ARHGEF17: variants seen among roughly 807,000 people sequenced by gnomAD.
ARHGEF17 encodes the protein 164 kDa Rho-specific guanine-nucleotide exchange factor.
ARHGEF17 carries 80 observed loss-of-function variants against 174.0 expected under a neutral mutation model. The observed-to-expected ratio is 0.46, with a 90% CI of 0.38 to 0.55. The LOEUF (loss-of-function observed/expected upper bound fraction) is 0.55, where lower values mean the gene tolerates loss of function less well. ARHGEF17 is among the 20% of genes least tolerant of loss of function. ARHGEF17 has a pLI of 0.00. For synonymous variants in ARHGEF17, 1,311 were observed against 1,189.1 expected (o/e 1.10, Z -2.11); for missense variants, 2,886 against 2,839.7 (o/e 1.02, Z -0.37).
At chr11:73,351,384 C>T (rs1321614459) in intron 2 of ARHGEF17, among the ~76,000 whole-genome samples, 1 of 152,138 alleles carries the variant, frequency 6.6e-6, no homozygotes, top group Non-Finnish European at 1.5e-5. Context: ...TCTCCACAAG[C>T]GCACCGGCCC....
At chr11:73,333,157 T>C (rs529452014) in intron 1 of ARHGEF17, among the ~76,000 whole-genome samples, 178 of 152,310 alleles carry the variant, frequency 1.2e-3, no homozygotes, top group Non-Finnish European at 2.3e-3. Context: ...GTTCCACTTA[T>C]TGCCAATAAT....
chr11:73,350,866 T>G (rs1432052839), intron 2 of ARHGEF17, among the ~76,000 whole-genome samples: 5 of 152,242 alleles, frequency 3.3e-5, no homozygotes, highest in Admixed American at 2.0e-4. Flanking sequence ...TTATCGTGCT[T>G]CTTTCCTGCC....
chr11:73,314,723 T>G (rs1299823591), intron 1 of ARHGEF17, among the ~76,000 whole-genome samples: 1 of 152,092 alleles, frequency 6.6e-6, no homozygotes, highest in African/African-American at 2.4e-5. Flanking sequence ...GAGGCAGAGC[T>G]GTCAGGCCTC....
Position 73,359,932 on chromosome 11 carries a change from AG to A in ARHGEF17, c.4187del (p.Ser1396ThrfsTer85), listed in dbSNP as rs1865709041. ...GGGCCAAATGAGCAAGCTCTCTGAG[AG>A]CCTTGGTTTCCCCCACCAGGTCTGT... is the stretch of plus-strand genomic sequence containing the variant. Reference protein sequence around the residue: ...TLGQMSKLSESLGFPHQSLDD... With the variant: ...TLGQMSKLSEXLGFPHQSLDD... On this transcript the variant is annotated frameshift_variant, in exon 10 of 21. Transcript: ENST00000263674. LOFTEE classifies it high-confidence loss of function. 1 of 1,611,264 alleles carries A rather than the reference AG, an allele frequency of 6.2e-7. No homozygotes were observed. The highest frequency in any genetic ancestry group is 8.5e-7 in the Non-Finnish European group (1 of 1,178,844).
Position 73,311,241 on chromosome 11 carries a change from A to G in ARHGEF17, c.2603A>G (p.Glu868Gly). ...TCCAGCAGCGAGCCCATCCTTGTAG[A>G]GCAGCGGGCAGAGCCAGAAGAACCT... ...PPSSSEPILVEQRAEPEEPGA... is the reference protein window; with the variant it reads ...PPSSSEPILVGQRAEPEEPGA... The change falls in exon 1 of 21, where the codon GAG becomes GGG. Residue 868 changes from glutamate (E) to glycine (G), a missense_variant. Coordinates refer to ENST00000263674, the MANE Select transcript of ARHGEF17 (RefSeq NM_014786.4). 6.2e-7 allele frequency: 1 copy of G among 1,611,162 alleles called. No individual in the cohort carries two copies. The highest frequency in any genetic ancestry group is 1.3e-5 in the African/African-American group (1 of 74,914).
chr11:73,310,674 A>G lies in ARHGEF17; in HGVS notation c.2036A>G (p.Asn679Ser). The change falls in exon 1 of 21, where the codon AAC becomes AGC. Residue 679 changes from asparagine (N) to serine (S), a missense_variant. Physicochemically the swap from Asn to Ser is conservative, Grantham distance 46. This residue lies in a region of ARHGEF17 where 1,728 missense variants were observed against 1,461.2 expected (regional missense o/e 1.18). Transcript: ENST00000263674. ...CTTTCCTCATCCTCGGCCCAGACGA[A>G]CCACCATGGCCCTGGGACTGAGGAC... is the stretch of plus-strand genomic sequence containing the variant. The part of the protein sequence containing the change: ...RPLSSSSAQT[N>S]HHGPGTEDSL... 2 of 1,613,836 alleles carry G rather than the reference A, an allele frequency of 1.2e-6. No individual in the cohort carries two copies. The highest frequency in any genetic ancestry group is 1.1e-5 in the South Asian group (1 of 91,080).
intron 1 of ARHGEF17, among the ~76,000 whole-genome samples, chr11:73,313,631 G>C (rs973639836): frequency 1.3e-5 from 2 of 152,304 alleles, no homozygotes; most frequent in South Asian, 2.1e-4. Flanking sequence ...CACGAACAGA[G>C]GCCTTCTCTG....
intron 1 of ARHGEF17, among the ~76,000 whole-genome samples, chr11:73,338,883 A>G (rs1033182923): frequency 3.3e-5 from 5 of 151,902 alleles, no homozygotes; most frequent in Non-Finnish European, 7.4e-5. Context: ...ATAATAATAG[A>G]GTTCTTGATG....
chr11:73,332,365 GT>G (rs2134400830), intron 1 of ARHGEF17, among the ~76,000 whole-genome samples: 1 of 88,428 alleles, frequency 1.1e-5, no homozygotes, highest in African/African-American at 6.6e-5. Context: ...GTGTGTGTGT[GT>G]GTGTGTGTGT....
At chr11:73,313,466 G>C (rs1864875943) in intron 1 of ARHGEF17, among the ~76,000 whole-genome samples, 1 of 152,214 alleles carries the variant, frequency 6.6e-6, no homozygotes, top group African/African-American at 2.4e-5. Context: ...GGTGGGTTGG[G>C]GGTGCTTCTA....
chr11:73,316,352 CA>C (rs1282245495), intron 1 of ARHGEF17, among the ~76,000 whole-genome samples: 1 of 152,146 alleles, frequency 6.6e-6, no homozygotes, highest in Non-Finnish European at 1.5e-5. Flanking sequence ...GCAAACAAAA[CA>C]AAAGCCTGTC....
At chr11:73,355,064 C>T (rs747308706) in intron 3 of ARHGEF17, among the ~76,000 whole-genome samples, 1 of 152,228 alleles carries the variant, frequency 6.6e-6, no homozygotes, top group Non-Finnish European at 1.5e-5. Flanking sequence ...AGAACTGGAG[C>T]ACAGCCCTGA....
intron 1 of ARHGEF17, among the ~76,000 whole-genome samples, chr11:73,331,240 G>C (rs1247085503): frequency 6.6e-6 from 1 of 152,164 alleles, no homozygotes; most frequent in Non-Finnish European, 1.5e-5. Context: ...GCCTTGTCCT[G>C]GCTGTGTCCC....
rs1222227181 is a variant in ARHGEF17 at position 73,362,235 on chromosome 11, C to T, written c.4690C>T (p.His1564Tyr). The T allele has an allele frequency of 1.3e-6, 2 of 1,535,588 alleles. No homozygotes were observed. Among genetic ancestry groups the T allele is most frequent in the Non-Finnish European group, 1.7e-6 (2 of 1,145,676 alleles). ...GAVPGLQPRCHREPPPSLRSP... is the reference protein window; with the variant it reads ...GAVPGLQPRCYREPPPSLRSP... ...GGTGCCCGGGCTGCAGCCTCGCTGC[C>T]ACCGGTGAGGCCTGGGCGGCGGGGT... Residue 1564 changes from histidine (H) to tyrosine (Y), a missense_variant, in exon 13 of 21, where the codon CAC (histidine) becomes TAC (tyrosine). Coordinates refer to ENST00000263674, the MANE Select transcript of ARHGEF17 (RefSeq NM_014786.4).
At position 73,363,770 on chromosome 11, in the gene ARHGEF17, A is replaced by G. The variant is rs1301947158; in HGVS notation, c.5270A>G (p.Asp1757Gly). Residue 1757 changes from aspartate to glycine, a missense_variant, in exon 16 of 21, where the codon GAC (aspartate) becomes GGC (glycine). Transcript: ENST00000263674. ...AGTGTCCACGTGTACCAGTCCTCCG[A>G]CAGCATCCGTGACCGCAGGAACAGC... Reference protein sequence around the residue: ...DGCVHVYQSSDSIRDRRNSMK... With the variant: ...DGCVHVYQSSGSIRDRRNSMK... 1 of 1,614,052 alleles carries G rather than the reference A, an allele frequency of 6.2e-7. No homozygotes were observed. The highest frequency in any genetic ancestry group is 1.1e-5 in the South Asian group (1 of 91,084).
intron 1 of ARHGEF17, among the ~76,000 whole-genome samples, chr11:73,325,153 A>T (rs533556368): frequency 1.3e-5 from 2 of 152,106 alleles, no homozygotes; most frequent in African/African-American, 4.8e-5. Context: ...TCAAATGGAG[A>T]CAAAAAAACC....
chr11:73,309,661 C>G lies in ARHGEF17; in HGVS notation c.1023C>G (p.Leu341=), dbSNP rs1209400596. 2.5e-6 allele frequency: 4 copies of G among 1,613,092 alleles called. No individual in the cohort carries two copies. The East Asian group carries it at 8.9e-5, about 36-fold the overall frequency. The change falls in exon 1 of 21, where the codon CTC becomes CTG. Residue 341 remains leucine, a synonymous_variant. Transcript: ENST00000263674. Reference sequence around the variant, plus strand: ...CAAGAGCCCCTAGAGAAGAAGGACTCCGGGAGTGGGGTAGTGGCTCTCCGC... The same window carrying G: ...CAAGAGCCCCTAGAGAAGAAGGACTGCGGGAGTGGGGTAGTGGCTCTCCGC... ...TSPRAPREEG[L]REWGSGSPPC...
At chr11:73,314,759 GT>G (rs1391690954) in intron 1 of ARHGEF17, among the ~76,000 whole-genome samples, 7 of 152,036 alleles carry the variant, frequency 4.6e-5, no homozygotes, top group Middle Eastern at 3.4e-3. Context: ...CCACACTCTT[GT>G]TACCTCCACT....
chr11:73,350,629 T>C (rs572361208), intron 2 of ARHGEF17, among the ~76,000 whole-genome samples: 3 of 152,160 alleles, frequency 2.0e-5, no homozygotes, highest in African/African-American at 7.2e-5. Flanking sequence ...TAAATAGAAG[T>C]TAGGAGCCAG....
Sources: allele counts gnomAD v4.1 joint callset (sites outside exome capture counted in the v4.1 genomes callset), GRCh38; gene constraint gnomAD v4.1.1; regional missense constraint gnomAD v4.1.1; transcripts MANE v1.5; gene names NCBI Gene and HGNC (gene_info 2026-07-23, HGNC 2026-07-21).